Variants in TMEM272 observed in about 807,000 individuals in gnomAD.
TMEM272 encodes long intergenic non-protein coding RNA 282.
In TMEM272, 8 loss-of-function variants were observed where a neutral mutation model predicts 3.7. The ratio of observed to expected loss-of-function variants is 2.17; its 90% CI spans 1.27 to 3.91. TMEM272 has a LOEUF of 3.91. Among genes scored for constraint, TMEM272 ranks in the 30% most tolerant of loss-of-function variants. The pLI, the probability that TMEM272 is intolerant of heterozygous loss-of-function variation, is 0.00. For synonymous variants in TMEM272, 63 were observed against 39.8 expected, an observed-to-expected ratio of 1.58 and a Z score of -2.20; for missense variants, 166 against 91.5, an observed-to-expected ratio of 1.81 and a Z score of -3.32.
chr13:51,827,350 G>A lies in TMEM272; in HGVS notation c.59-725C>T, dbSNP rs529385989. Among the ~76,000 whole-genome samples, 10 of 152,304 alleles carry A rather than the reference G, an allele frequency of 6.6e-5. No individual in the cohort carries two copies. The East Asian group carries it at 1.3e-3, about 21-fold the overall frequency. On this transcript the variant is annotated intron_variant, in intron 2 of 4. Coordinates refer to ENST00000629372, the MANE Select transcript of TMEM272 (RefSeq NM_001351003.2). ...GCAAATTCGTTGACATCCGGAAGCC[G>A]TTTTCCTCTTCTGTAAAAGGTGGTG...
the TMEM272 span, among the ~76,000 whole-genome samples, chr13:51,904,527 T>C: frequency 6.6e-6 from 1 of 152,136 alleles, no homozygotes; most frequent in African/African-American, 2.4e-5. Flanking sequence ...TGAATAGGAA[T>C]TCATGGTATG....
the TMEM272 span, among the ~76,000 whole-genome samples, chr13:51,931,803 T>G: frequency 6.6e-6 from 1 of 152,102 alleles, no homozygotes; most frequent in African/African-American, 2.4e-5. Context: ...CTCCAGGGTA[T>G]GCTGGAGGGC....
chr13:51,818,650 C>T (rs1396979651), intron 4 of TMEM272, among the ~76,000 whole-genome samples: 1 of 152,054 alleles, frequency 6.6e-6, no homozygotes, highest in East Asian at 1.9e-4. Context: ...AGCCATTGGG[C>T]CAAAATGTCA....
the TMEM272 span, among the ~76,000 whole-genome samples, chr13:51,926,973 A>C: frequency 6.6e-6 from 1 of 152,162 alleles, no homozygotes; most frequent in African/African-American, 2.4e-5. Context: ...TGGAGCTTTA[A>C]GGGGAAAACA....
At chr13:51,900,453 AAGAC>A in the TMEM272 span, among the ~76,000 whole-genome samples, 1 of 152,264 alleles carries the variant, frequency 6.6e-6, no homozygotes, top group Admixed American at 6.5e-5. Flanking sequence ...TGAAATAAAA[AAGAC>A]AGACAATAAC....
the TMEM272 span, among the ~76,000 whole-genome samples, chr13:51,923,733 G>A: frequency 7.3e-6 from 1 of 136,734 alleles, no homozygotes; most frequent in African/African-American, 2.7e-5. Context: ...GAGGAGAGGG[G>A]AAGGAAGGGG....
At position 51,813,468 on chromosome 13, in the gene TMEM272, GA is replaced by G. The variant is rs1566325387; in HGVS notation, c.*3282del. On this transcript the variant is annotated 3_prime_UTR_variant, in exon 5 of 5. Transcript: ENST00000629372. ...CTTGGCCACTTCTCATACTAAAAGA[GA>G]AGGAAATAACACGAAGTACTGGAAG... The G allele has an allele frequency of 2.6e-6, 1 of 390,350 alleles. No homozygotes were observed. Among genetic ancestry groups the G allele is most frequent in the Non-Finnish European group, 4.5e-6 (1 of 221,674 alleles). The allele number at this position is 390,350 out of a possible 1,614,324, so 24.2% of individuals were successfully genotyped here.
upstream of TMEM272, among the ~76,000 whole-genome samples, chr13:51,849,804 TC>T (rs1956322859): frequency 6.6e-6 from 1 of 152,148 alleles, no homozygotes. Flanking sequence ...GGGTCTAAGT[TC>T]CCAGGGGCAA....
the TMEM272 span, among the ~76,000 whole-genome samples, chr13:51,903,001 G>A: frequency 6.6e-6 from 1 of 152,206 alleles, no homozygotes; most frequent in Non-Finnish European, 1.5e-5. Context: ...GAGTGCATCC[G>A]CCTGGTAAAG....
At chr13:51,932,347 C>G in the TMEM272 span, 5 of 152,360 alleles carry the variant, frequency 3.3e-5, no homozygotes, top group Admixed American at 6.5e-5. Flanking sequence ...TTTGCAGACA[C>G]TCACCCTAGA....
At chr13:51,930,740 AT>A in the TMEM272 span, among the ~76,000 whole-genome samples, 1 of 150,898 alleles carries the variant, frequency 6.6e-6, no homozygotes, top group African/African-American at 2.4e-5. Context: ...CACTGTCATA[AT>A]TTTTTAGAGC....
chr13:51,912,331 T>C, the TMEM272 span, among the ~76,000 whole-genome samples: 1 of 152,178 alleles, frequency 6.6e-6, no homozygotes, highest in Non-Finnish European at 1.5e-5. Flanking sequence ...TTTGTGCTGC[T>C]ACCAGTGGCT....
the TMEM272 span, chr13:51,921,496 C>T: frequency 6.6e-6 from 1 of 152,266 alleles, no homozygotes; most frequent in Non-Finnish European, 1.5e-5. Context: ...CAGAGCAGTT[C>T]CTGCAAGTCT....
the TMEM272 span, among the ~76,000 whole-genome samples, chr13:51,863,702 CA>C: frequency 6.8e-3 from 908 of 133,490 alleles, 11 homozygotes; most frequent in African/African-American, 0.023. Context: ...CACACACACA[CA>C]CACACACCAG....
At chr13:51,922,129 T>A in the TMEM272 span, among the ~76,000 whole-genome samples, 10 of 152,200 alleles carry the variant, frequency 6.6e-5, no homozygotes. Flanking sequence ...TATCAGTTCA[T>A]CCTTTACAGA....
At chr13:51,862,665 G>A in the TMEM272 span, among the ~76,000 whole-genome samples, 1 of 152,160 alleles carries the variant, frequency 6.6e-6, no homozygotes, top group Non-Finnish European at 1.5e-5. Context: ...GAGCTTAGGA[G>A]AGATGGCCTG....
the TMEM272 span, among the ~76,000 whole-genome samples, chr13:51,850,563 ATTC>A: frequency 6.6e-6 from 1 of 152,120 alleles, no homozygotes; most frequent in Non-Finnish European, 1.5e-5. Context: ...TAATATTTTA[ATTC>A]TTATTTTACC....
the TMEM272 span, among the ~76,000 whole-genome samples, chr13:51,903,942 C>CATGTGTGTGT: frequency 2.9e-5 from 4 of 136,552 alleles, no homozygotes; most frequent in African/African-American, 1.1e-4. Flanking sequence ...CAGTCTTCCA[C>CATGTGTGTGT]GTGTGTGTGT....
the TMEM272 span, among the ~76,000 whole-genome samples, chr13:51,850,798 CATT>C: frequency 6.6e-6 from 1 of 152,070 alleles, no homozygotes; most frequent in African/African-American, 2.4e-5. Flanking sequence ...TGAATCCTAA[CATT>C]ATTAACGTAT....
Sources: gnomAD v4.1 joint callset for allele counts (sites outside exome capture counted in the v4.1 genomes callset) on GRCh38, gnomAD v4.1.1 for gene constraint, MANE v1.5 for transcripts, NCBI Gene and HGNC (gene_info 2026-07-23, HGNC 2026-07-21) for gene names.